VGLL4: variants seen among roughly 807,000 people sequenced by gnomAD.
The protein encoded by VGLL4 is transcription cofactor vestigial-like protein 4.
Under a neutral mutation model 21.0 loss-of-function variants are expected in VGLL4, and 7 were observed. The observed-to-expected ratio is 0.33, with a 90% CI of 0.19 to 0.63. VGLL4 has a LOEUF of 0.63. Among genes scored for constraint, VGLL4 ranks in the 20% least tolerant of loss-of-function variants. The pLI, the probability that VGLL4 is intolerant of heterozygous loss-of-function variation, is 0.78. For synonymous variants in VGLL4, 222 were observed against 173.2 expected, an observed-to-expected ratio of 1.28 and a Z score of -2.21; for missense variants, 394 against 425.7, an observed-to-expected ratio of 0.93 and a Z score of 0.66.
At position 11,630,141 on chromosome 3, in the gene VGLL4, A is replaced by G. The variant is rs73814951; in HGVS notation, c.82+13296T>C. ...TCTGCCATGAAATTAGGCAAGAAAT[A>G]TACATACTCCAGCCTCTAATTTAGA... On this transcript the variant is annotated intron_variant, in intron 1 of 4. Coordinates refer to ENST00000430365, the MANE Select transcript of VGLL4 (RefSeq NM_001128219.3). Among the ~76,000 whole-genome samples, 438 of 152,312 alleles carry G rather than the reference A, an allele frequency of 2.9e-3. 1 individual carries two copies. Among genetic ancestry groups the G allele is most frequent in the African/African-American group, 9.9e-3 (410 of 41,560 alleles).
At chr3:11,596,566 G>A (rs1363712318) in intron 2 of VGLL4, among the ~76,000 whole-genome samples, 3 of 152,132 alleles carry the variant, frequency 2.0e-5, no homozygotes, top group African/African-American at 7.2e-5. Flanking sequence ...GGTTAGCCCT[G>A]GAGCATCGCC....
chr3:11,575,019 T>C (rs975777374), intron 2 of VGLL4, among the ~76,000 whole-genome samples: 1 of 152,140 alleles, frequency 6.6e-6, no homozygotes, highest in African/African-American at 2.4e-5. Context: ...GATCTTTTCA[T>C]TACTCCTGCA....
rs765971364 is a variant in VGLL4, at chr3:11,640,492, T to C, written c.82+2945A>G. Among the ~76,000 whole-genome samples, 7 of 152,130 alleles carry C rather than the reference T, an allele frequency of 4.6e-5. 1 individual carries two copies. Among genetic ancestry groups the C allele is most frequent in the South Asian group, 4.1e-4 (2 of 4,822 alleles). ...AATAAGCCATGAGGTTCTGAACACA[T>C]AGCACAAGCCCAGTTCTACTAATCC... On this transcript the variant is annotated intron_variant, in intron 1 of 4. Transcript: ENST00000430365.
At position 11,564,733 on chromosome 3, in the gene VGLL4, C is replaced by G. The variant is rs1007785822; in HGVS notation, c.495+64G>C. 4 of 1,471,110 alleles carry G rather than the reference C, an allele frequency of 2.7e-6. No individual in the cohort carries two copies. In the African/African-American group the frequency reaches 6.5e-5, roughly 24 times the overall value. The allele number at this position is 1,471,110 out of a possible 1,614,324, so 91.1% of individuals were successfully genotyped here. On this transcript the variant is annotated intron_variant, in intron 3 of 4. Coordinates refer to ENST00000430365, the MANE Select transcript of VGLL4 (RefSeq NM_001128219.3). ...CCCTCGGAGTCCTCTGCTCGGGGCT[C>G]TCCATCCAGCCCAGTCCCCCAGCCC...
In VGLL4 at chr3:11,679,655, C is replaced by A. The variant is rs1457612203; in HGVS notation, c.64+23316G>T. Among the ~76,000 whole-genome samples, 6 of 152,124 alleles carry A rather than the reference C, an allele frequency of 3.9e-5. No homozygotes were observed. The East Asian group carries it at 1.2e-3, about 29-fold the overall frequency. On this transcript the variant is annotated intron_variant, in intron 2 of 5. Transcript: ENST00000273038. ...CCGAGATTGCACCACTGTACTTCAG[C>A]CTGGGCGACAGAGCAACACTCTGGC...
Position 11,712,938 on chromosome 3 carries a change from G to A in VGLL4, c.-14+7456C>T, listed in dbSNP as rs144605011. 6.2e-4 allele frequency among the ~76,000 whole-genome samples: 94 copies of A among 152,296 alleles called. 4 individuals carry two copies. Among genetic ancestry groups the A allele is most frequent in the African/African-American group, 2.9e-4 (12 of 41,554 alleles). ...ATGGAGTCACATTAATAGTAACCAA[G>A]GCAGGTAAGAAAAGAAGACTGTCAC... On this transcript the variant is annotated intron_variant, in intron 1 of 5. Transcript: ENST00000273038.
intron 1 of VGLL4, among the ~76,000 whole-genome samples, chr3:11,624,824 C>G (rs1305773985): frequency 6.6e-6 from 1 of 152,170 alleles, no homozygotes; most frequent in Non-Finnish European, 1.5e-5. Context: ...ACTGTACCAG[C>G]TAGTCTCAAC....
intron 2 of VGLL4, among the ~76,000 whole-genome samples, chr3:11,667,939 C>T (rs927860747): frequency 2.0e-5 from 3 of 149,390 alleles, no homozygotes; most frequent in African/African-American, 2.5e-5. Context: ...CTGTAACCTC[C>T]GCCTCCCGGG....
intron 3 of VGLL4, among the ~76,000 whole-genome samples, chr3:11,560,695 GA>G (rs2072904538): frequency 6.6e-6 from 1 of 152,172 alleles, no homozygotes; most frequent in Non-Finnish European, 1.5e-5. Context: ...GGTAGGGGGG[GA>G]TGTGGCTTAG....
Position 11,565,470 on chromosome 3 carries a change from C to T in VGLL4, c.273-451G>A, listed in dbSNP as rs1477450162. Among the ~76,000 whole-genome samples the T allele has an allele frequency of 6.6e-6, 1 of 152,168 alleles. No individual in the cohort carries two copies. Among genetic ancestry groups the T allele is most frequent in the East Asian group, 1.9e-4 (1 of 5,190 alleles). On this transcript the variant is annotated intron_variant, in intron 2 of 4. Transcript: ENST00000430365. This position sits in a 1 kb window ranked among gnomAD's most constrained non-coding sequence, Gnocchi z 4.1. ...CCACAGCACTGCTCAGCCCATCTTCCTCACAGTACTGCTCAGCCCGTCTTC... is the reference window on the plus strand; with the variant it reads ...CCACAGCACTGCTCAGCCCATCTTCTTCACAGTACTGCTCAGCCCGTCTTC...
At chr3:11,566,049 T>G (rs1237729180) in intron 2 of VGLL4, among the ~76,000 whole-genome samples, 3 of 152,140 alleles carry the variant, frequency 2.0e-5, no homozygotes, top group Non-Finnish European at 4.4e-5. Flanking sequence ...ATTTTCAGAG[T>G]CTACAAGTAG....
chr3:11,558,433 C>A lies in VGLL4; in HGVS notation c.*123G>T. ...ACAAATCCCAACAACATGGTTTTTG[C>A]AAATAAACCATCCCTTCCCTTCCCC... On this transcript the variant is annotated 3_prime_UTR_variant, in exon 5 of 5. Coordinates refer to ENST00000430365, the MANE Select transcript of VGLL4 (RefSeq NM_001128219.3). 2.1e-6 allele frequency: 3 copies of A among 1,401,596 alleles called. No homozygotes were observed. Among genetic ancestry groups the A allele is most frequent in the East Asian group, 2.5e-5 (1 of 40,298 alleles). The allele number at this position is 1,401,596 out of a possible 1,614,324, so 86.8% of individuals were successfully genotyped here.
At chr3:11,715,992 G>C (rs1422939609) in intron 1 of VGLL4, among the ~76,000 whole-genome samples, 1 of 151,928 alleles carries the variant, frequency 6.6e-6, no homozygotes, top group Non-Finnish European at 1.5e-5. Flanking sequence ...ACTGTAAATA[G>C]CAAAATCCCC....
At chr3:11,605,103 A>AG (rs1412235165) in intron 1 of VGLL4, among the ~76,000 whole-genome samples, 2 of 9,876 alleles carry the variant, frequency 2.0e-4, no homozygotes, top group Admixed American at 2.2e-3. Context: ...AAGCGCCCCC[A>AG]CGCCCACCCC....
intron 2 of VGLL4, among the ~76,000 whole-genome samples, chr3:11,698,658 A>G (rs2076637567): frequency 6.6e-6 from 1 of 152,230 alleles, no homozygotes; most frequent in Non-Finnish European, 1.5e-5. Context: ...GACACTGATT[A>G]CATCAATGTC....
rs544688075 is a variant in VGLL4 at position 11,656,170 on chromosome 3, G to A, written c.64+46801C>T. On this transcript the variant is annotated intron_variant, in intron 2 of 5. Coordinates refer to the VGLL4 transcript ENST00000273038. ...TACAAAGGCTCATGATCCCTAAGGA[G>A]GGGAGAATAATGAGAACAGGCCTAC... Among the ~76,000 whole-genome samples, 3 of 152,328 alleles carry A rather than the reference G, an allele frequency of 2.0e-5. No homozygotes were observed. In the East Asian group the frequency reaches 5.8e-4, roughly 29 times the overall value.
chr3:11,569,587 G>A (rs771063300), intron 2 of VGLL4, among the ~76,000 whole-genome samples: 1 of 152,230 alleles, frequency 6.6e-6, no homozygotes, highest in Non-Finnish European at 1.5e-5. Context: ...GCCGGCACAG[G>A]GCCAGTGAGT....
chr3:11,624,244 TCTCTTCTCATGC>T (rs1398834871), intron 1 of VGLL4, among the ~76,000 whole-genome samples: 1 of 152,152 alleles, frequency 6.6e-6, no homozygotes, highest in Non-Finnish European at 1.5e-5. Flanking sequence ...CCAAGAGGTG[TCTCTTCTCATGC>T]CTCTTCCACT....
chr3:11,592,696 G>T (rs1055677195), intron 2 of VGLL4, among the ~76,000 whole-genome samples: 6 of 152,160 alleles, frequency 3.9e-5, no homozygotes, highest in Non-Finnish European at 1.5e-5. Flanking sequence ...GACAGCACTG[G>T]CTCTAGGATC....
Sources: gnomAD v4.1 joint callset for allele counts (sites outside exome capture counted in the v4.1 genomes callset) on GRCh38, gnomAD v4.1.1 for gene constraint, Gnocchi (gnomAD v3.1) non-coding constraint, MANE v1.5 for transcripts, NCBI Gene and HGNC (gene_info 2026-07-23, HGNC 2026-07-21) for gene names.